Variants in CLCNKB observed in about 807,000 individuals in gnomAD.
CLCNKB encodes chloride channel protein ClC-Kb.
A neutral mutation model predicts 83.8 loss-of-function variants in CLCNKB; 74 were observed. That is an observed-to-expected ratio of 0.88 (90% CI 0.73 to 1.07). CLCNKB has a LOEUF of 1.07. Ranked by LOEUF, CLCNKB falls within the 50% of genes least tolerant of loss-of-function variation. The probability of loss-of-function intolerance (pLI) is 0.00; values close to 1 mark genes in which losing one functional copy is unlikely to be tolerated. For synonymous variants in CLCNKB, 358 were observed against 356.6 expected (o/e 1.00, Z -0.04); for missense variants, 798 against 893.6 (o/e 0.89, Z 1.36).
At position 16,045,126 on chromosome 1, in the gene CLCNKB, A is replaced by G. The variant is rs868035284; in HGVS notation, c.101-432A>G. Among the ~76,000 whole-genome samples the G allele has an allele frequency of 1.1e-3, 173 of 152,254 alleles. 1 individual carries two copies. The highest frequency in any genetic ancestry group is 2.3e-3 in the South Asian group (11 of 4,818). ...CTGGGCTAGCAGCCAGTGGGCCAGG[A>G]GCATTGCTGGGGACCCAGAGGATAC... On this transcript the variant is annotated intron_variant, in intron 2 of 19. Transcript: ENST00000375679.
rs1274756672 is a variant in CLCNKB at position 16,050,672 on chromosome 1, T to G, written c.1053+72T>G. On this transcript the variant is annotated intron_variant, in intron 11 of 19. Transcript: ENST00000375679. ...TTGCCTCCTTTGCGTGTATCTCACT[T>G]AATCCCCCCAATACCCCATAAGGGA... 2.6e-6 allele frequency: 4 copies of G among 1,535,262 alleles called. No individual in the cohort carries two copies. In the African/African-American group the frequency reaches 5.5e-5, roughly 21 times the overall value.
chr1:16,049,417 GCAAGAA>G (rs1456945830), intron 8 of CLCNKB, among the ~76,000 whole-genome samples, 172 bp downstream of exon 8: 1 of 152,164 alleles, frequency 6.6e-6, no homozygotes, highest in Non-Finnish European at 1.5e-5. Context: ...CCTGTGTTGA[GCAAGAA>G]GGGCAGGGGC....
chr1:16,054,416 T>C (rs1449140282), intron 16 of CLCNKB, among the ~76,000 whole-genome samples: 2 of 152,154 alleles, frequency 1.3e-5, no homozygotes, highest in Non-Finnish European at 2.9e-5. Flanking sequence ...CCTTGTGCAG[T>C]GAGCAACCTG....
intron 4 of CLCNKB, 31 bp from the exon 5 acceptor site, chr1:16,047,874 C>T: frequency 6.2e-7 from 1 of 1,611,052 alleles, no homozygotes; most frequent in Middle Eastern, 2.0e-4. Flanking sequence ...TAGAGATTGT[C>T]CCCCTCCTGG....
At chr1:16,050,013 C>T (rs2023237027) in intron 10 of CLCNKB, 97 bp downstream of exon 10, 4 of 887,604 alleles carry the variant, frequency 4.5e-6, no homozygotes, top group South Asian at 1.4e-5. Context: ...ACCTGAGCCC[C>T]TAAAGCCCAT....
intron 18 of CLCNKB, 58 bp downstream of exon 18, chr1:16,055,816 A>T (rs2023420877): frequency 6.6e-7 from 1 of 1,523,348 alleles, no homozygotes; most frequent in Non-Finnish European, 9.1e-7. Flanking sequence ...GGAAGAGCTG[A>T]TGAGGAGCTC....
intron 15 of CLCNKB, among the ~76,000 whole-genome samples, chr1:16,052,738 G>C (rs536169108): frequency 6.6e-6 from 1 of 152,168 alleles, no homozygotes. Context: ...CACCAGATCC[G>C]AGAGGTCTCC....
At chr1:16,052,164 G>T (rs777630465) in intron 14 of CLCNKB, 34 bp from the exon 15 acceptor site, 3 of 1,611,774 alleles carry the variant, frequency 1.9e-6, no homozygotes, top group Non-Finnish European at 2.5e-6. Flanking sequence ...CTGGCCCCTG[G>T]CCTGAGCTGC....
chr1:16,045,787 GT>G lies in CLCNKB; in HGVS notation c.229+102del, dbSNP rs67016480. 153,906 of 875,324 alleles carry G rather than the reference GT, an allele frequency of 0.18. 20,998 individuals are homozygous for G. The highest frequency in any genetic ancestry group is 0.3 in the South Asian group (16,108 of 54,034). The allele number at this position is 875,324 out of a possible 1,614,324, so 54.2% of individuals were successfully genotyped here. A position where few individuals can be genotyped will look rare whatever the true frequency, so the allele number is the denominator to read the frequency against. On this transcript the variant is annotated intron_variant, in intron 3 of 19. Coordinates refer to ENST00000375679, the MANE Select transcript of CLCNKB (RefSeq NM_000085.5). Reference sequence around the variant, plus strand: ...CCAGGTGCAGCGGAGGTTGGGGGGGGTGCTCTGGGTGGGGATCTGGTCCTGG... The same window carrying G: ...CCAGGTGCAGCGGAGGTTGGGGGGGGGCTCTGGGTGGGGATCTGGTCCTGG...
In CLCNKB at chr1:16,050,559, A is replaced by G. The variant is rs1314938102; in HGVS notation, c.1012A>G (p.Ile338Val). ...SALATLVLAS[I>V]TYPPSAGRFL... The stretch of plus-strand genomic sequence containing the variant: ...TCTGGCCACCTTGGTTCTCGCCTCC[A>G]TCACCTACCCACCCAGCGCCGGCCG... Residue 338 changes from isoleucine (I) to valine (V), a missense_variant, in exon 11 of 20, where the codon ATC becomes GTC. Transcript: ENST00000375679. 2 of 1,613,822 alleles carry G rather than the reference A, an allele frequency of 1.2e-6. No homozygotes were observed. The highest frequency in any genetic ancestry group is 1.7e-6 in the Non-Finnish European group (2 of 1,179,964).
chr1:16,055,641 C>G (rs755065737), intron 17 of CLCNKB, 34 bp from the exon 18 acceptor site: 1 of 1,610,652 alleles, frequency 6.2e-7, no homozygotes, highest in East Asian at 2.2e-5. Context: ...CTGGGGAGGC[C>G]AGCCCTGCAC....
At chr1:16,050,671 T>C in intron 11 of CLCNKB, 71 bp downstream of exon 11, 1 of 1,540,652 alleles carries the variant, frequency 6.5e-7, no homozygotes, top group Non-Finnish European at 8.9e-7. Context: ...TGTATCTCAC[T>C]TAATCCCCCC....
intron 11 of CLCNKB, 69 bp from the exon 12 acceptor site, chr1:16,050,806 C>A: frequency 6.2e-7 from 1 of 1,602,710 alleles, no homozygotes; most frequent in Admixed American, 1.7e-5. Flanking sequence ...CGGGGTCAGG[C>A]GGTGCGGGGG....
In CLCNKB at chr1:16,052,266, G is replaced by C. The variant is rs777095700; in HGVS notation, c.1477G>C (p.Gly493Arg). 6.2e-7 allele frequency: 1 copy of C among 1,613,218 alleles called. No individual in the cohort carries two copies. Among genetic ancestry groups the C allele is most frequent in the Non-Finnish European group, 8.5e-7 (1 of 1,180,050 alleles). The change falls in exon 15 of 20, where the codon GGC (glycine) becomes CGC (arginine). Residue 493 changes from glycine (G) to arginine (R), a missense_variant. Gly to Arg is a moderately radical substitution (Grantham distance 125, BLOSUM62 -2). Coordinates refer to ENST00000375679, the MANE Select transcript of CLCNKB (RefSeq NM_000085.5). ...STALLAFEVT[G>R]QIVHALPVLM... is the part of the protein sequence containing the mutation. ...GGCGCTGCTGGCCTTCGAGGTGACC[G>C]GCCAGATAGTGCATGCACTGCCCGT...
chr1:16,048,609 TG>T (rs771279134), intron 7 of CLCNKB, 27 bp downstream of exon 7: 2 of 1,612,428 alleles, frequency 1.2e-6, no homozygotes, highest in Non-Finnish European at 1.7e-6. Flanking sequence ...CCCCGCCCCC[TG>T]GGTCCCTCAA....
At chr1:16,049,038 G>C in intron 7 of CLCNKB, 82 bp from the exon 8 acceptor site, 2 of 1,612,230 alleles carry the variant, frequency 1.2e-6, no homozygotes, top group Non-Finnish European at 8.5e-7. Context: ...ATGGGTCAGG[G>C]AGGAGGTGAC....
chr1:16,048,754 G>A, intron 7 of CLCNKB, 172 bp downstream of exon 7: 1 of 1,474,190 alleles, frequency 6.8e-7, no homozygotes, highest in Non-Finnish European at 9.0e-7. Context: ...GGGGGGGCGG[G>A]TGACTTGATT....
chr1:16,055,861 C>T (rs575221571), intron 18 of CLCNKB, 103 bp downstream of exon 18: 8 of 1,056,092 alleles, frequency 7.6e-6, no homozygotes, highest in African/African-American at 1.6e-5. Flanking sequence ...CCGCCCTGCC[C>T]GTCTTATGCT....
chr1:16,051,428 G>A (rs756464979), intron 12 of CLCNKB, 50 bp from the exon 13 acceptor site: 108 of 1,601,394 alleles, frequency 6.7e-5, no homozygotes, highest in Non-Finnish European at 8.2e-5. Context: ...CCTTGTCCAC[G>A]CCTTGCCCAG....
Sources: gnomAD v4.1 joint callset for allele counts (sites outside exome capture counted in the v4.1 genomes callset) on GRCh38, gnomAD v4.1.1 for gene constraint, MANE v1.5 for transcripts, NCBI Gene and HGNC (gene_info 2026-07-23, HGNC 2026-07-21) for gene names.